The following NADK2 variants were observed in gnomAD, a reference collection of about 807,000 sequenced individuals.
NADK2 encodes NAD kinase 2, mitochondrial.
NADK2 carries 35 observed loss-of-function variants against 62.1 expected under a neutral mutation model. The ratio of observed to expected loss-of-function variants is 0.56; its 90% confidence interval spans 0.43 to 0.75. The LOEUF is 0.75. Ranked by LOEUF, NADK2 falls within the 30% of genes least tolerant of loss-of-function variation. The pLI, the probability that NADK2 is intolerant of heterozygous loss-of-function variation, is 0.00. For synonymous variants in NADK2, 205 were observed against 207.9 expected (o/e 0.99, Z 0.12); for missense variants, 439 against 561.3 (o/e 0.78, Z 2.20).
intron 7 of NADK2, chr5:36,208,681 A>T (rs1479123567): frequency 1.0e-5 from 16 of 1,532,278 alleles, no homozygotes; most frequent in Non-Finnish European, 1.4e-5. Flanking sequence ...CAGCCCAAGA[A>T]TAAGACATTC....
intron 7 of NADK2, chr5:36,208,751 C>A (rs1746735038): frequency 2.9e-6 from 3 of 1,017,344 alleles, no homozygotes; most frequent in Non-Finnish European, 4.3e-6. Context: ...GTTCTTAAAT[C>A]TAAGAACATT....
intron 6 of NADK2, among the ~76,000 whole-genome samples, chr5:36,214,035 CAATA>C (rs1382363245): frequency 7.9e-5 from 12 of 152,214 alleles, no homozygotes; most frequent in East Asian, 3.9e-4. Context: ...ATGAGTTTGA[CAATA>C]AATAAAATTG....
intron 3 of NADK2, among the ~76,000 whole-genome samples, chr5:36,226,170 T>C (rs572519404): frequency 6.6e-6 from 1 of 152,288 alleles, no homozygotes; most frequent in Admixed American, 6.5e-5. Flanking sequence ...ATTAAACTCT[T>C]TATCAACTTC....
At chr5:36,196,295 C>T (rs1052771037) in intron 11 of NADK2, among the ~76,000 whole-genome samples, 2 of 152,104 alleles carry the variant, frequency 1.3e-5, no homozygotes, top group Non-Finnish European at 2.9e-5. Flanking sequence ...GTTGTTCCTC[C>T]TTGCCAACAA....
chr5:36,228,074 T>C (rs1007131853), intron 1 of NADK2, among the ~76,000 whole-genome samples: 1 of 152,204 alleles, frequency 6.6e-6, no homozygotes, highest in African/African-American at 2.4e-5. Flanking sequence ...GCTTCTCTCT[T>C]GTTCTCAGAT....
intron 8 of NADK2, among the ~76,000 whole-genome samples, chr5:36,202,595 A>G (rs543468369): frequency 6.6e-6 from 1 of 152,196 alleles, no homozygotes; most frequent in South Asian, 2.1e-4. Context: ...TCCTGAACGC[A>G]TAGGTTATAT....
At position 36,226,458 on chromosome 5, in the gene NADK2, T is replaced by G. The variant is rs764444107; in HGVS notation, c.478+17A>C. The G allele has an allele frequency of 1.9e-6, 3 of 1,592,658 alleles. No individual in the cohort carries two copies. The highest frequency in any genetic ancestry group is 2.6e-6 in the Non-Finnish European group (3 of 1,162,034). On this transcript the variant is annotated intron_variant, in intron 3 of 11. Transcript: ENST00000381937. ...CATTTGTATATGCCAACATCTTTAC[T>G]TCTGTCAAATTATTACCTCCTGCAG... is the stretch of plus-strand genomic sequence containing the variant.
intron 1 of NADK2, among the ~76,000 whole-genome samples, chr5:36,228,845 C>T (rs990358328): frequency 6.7e-6 from 1 of 150,084 alleles, no homozygotes; most frequent in African/African-American, 2.4e-5. Flanking sequence ...AGGCTAGTCT[C>T]GAACTCCTGG....
At chr5:36,233,432 T>C (rs925615733) in intron 1 of NADK2, among the ~76,000 whole-genome samples, 1 of 152,154 alleles carries the variant, frequency 6.6e-6, no homozygotes, top group Non-Finnish European at 1.5e-5. Flanking sequence ...TGAAAACCAC[T>C]AGGAGATAAA....
Position 36,241,431 on chromosome 5 carries a change from A to C in NADK2, c.300+68T>G. The C allele has an allele frequency of 6.9e-7, 1 of 1,458,456 alleles. No individual in the cohort carries two copies. 90.3% of individuals were successfully genotyped at this position (1,458,456 alleles called of 1,614,324 possible). A position where few individuals can be genotyped will look rare whatever the true frequency, so the allele number is the denominator to read the frequency against. ...AGAGTCGTCCCGAGAGGTCCCCCCG[A>C]GGGGGCGCAGCCGCCACCAGAGCCC... is the stretch of plus-strand genomic sequence containing the variant. On this transcript the variant is annotated intron_variant, in intron 1 of 11. Coordinates refer to ENST00000381937, the MANE Select transcript of NADK2 (RefSeq NM_001085411.3). The surrounding 1 kb of genome is among the most constrained non-coding windows in gnomAD (Gnocchi z 4.9).
chr5:36,221,224 T>C (rs1017224752), intron 4 of NADK2: 1 of 152,146 alleles, frequency 6.6e-6, no homozygotes, highest in Non-Finnish European at 1.5e-5. Flanking sequence ...ACAGAAGAGA[T>C]GGATAGAAAT....
chr5:36,225,658 A>G, intron 3 of NADK2, 35 bp from the exon 4 acceptor site: 1 of 1,581,108 alleles, frequency 6.3e-7, no homozygotes, highest in South Asian at 1.1e-5. Context: ...AGACATAACC[A>G]AATTTCTGTT....
intron 9 of NADK2, among the ~76,000 whole-genome samples, chr5:36,200,489 T>C (rs1746404083): frequency 6.6e-6 from 1 of 151,996 alleles, no homozygotes; most frequent in African/African-American, 2.4e-5. Flanking sequence ...CTCGCCCTTA[T>C]TAGCACTTTT....
At position 36,204,123 on chromosome 5, in the gene NADK2, T is replaced by C. The variant is rs532826500; in HGVS notation, c.957-2962A>G. Among the ~76,000 whole-genome samples the C allele has an allele frequency of 2.0e-5, 3 of 152,326 alleles. No individual in the cohort carries two copies. The South Asian group carries it at 6.2e-4, about 32-fold the overall frequency. Reference sequence around the variant, plus strand: ...ATAAAATGGGAATGCTACTACTTTCTTCCAGGATTTCTAAAAGGATTAATT... The same window carrying C: ...ATAAAATGGGAATGCTACTACTTTCCTCCAGGATTTCTAAAAGGATTAATT... On this transcript the variant is annotated intron_variant, in intron 8 of 11. Transcript: ENST00000381937.
intron 8 of NADK2, among the ~76,000 whole-genome samples, chr5:36,203,183 G>A (rs1746509537): frequency 1.3e-5 from 2 of 152,016 alleles, no homozygotes; most frequent in South Asian, 4.1e-4. Context: ...AAACTTTTTG[G>A]ATTCTACTTA....
In NADK2 at chr5:36,225,679, T is replaced by C. The variant is rs1579628623; in HGVS notation, c.479-56A>G. 9 of 1,528,560 alleles carry C rather than the reference T, an allele frequency of 5.9e-6. No homozygotes were observed. The East Asian group carries it at 2.0e-4, about 34-fold the overall frequency. 94.7% of individuals were successfully genotyped at this position (1,528,560 alleles called of 1,614,324 possible). On this transcript the variant is annotated intron_variant, in intron 3 of 11. Coordinates refer to ENST00000381937, the MANE Select transcript of NADK2 (RefSeq NM_001085411.3). ...AACCAAATTTCTGTTATAAATCTAGTTTTTGGCCATTTTGAAAATCAGTAG... is the reference window on the plus strand; with the variant it reads ...AACCAAATTTCTGTTATAAATCTAGCTTTTGGCCATTTTGAAAATCAGTAG...
In NADK2 at chr5:36,241,287, C is replaced by A; in HGVS notation, c.300+212G>T. ...TGAACCACTGTCCCTCTCTCTCCCC[C>A]TCTCCCCGGCCCTGCCTCTCCCTCG... is the stretch of plus-strand genomic sequence containing the variant. On this transcript the variant is annotated intron_variant, in intron 1 of 11. Coordinates refer to ENST00000381937, the MANE Select transcript of NADK2 (RefSeq NM_001085411.3). This position sits in a 1 kb window ranked among gnomAD's most constrained non-coding sequence, Gnocchi z 4.9. The A allele has an allele frequency of 1.0e-6, 1 of 990,066 alleles. No homozygotes were observed. Among genetic ancestry groups the A allele is most frequent in the East Asian group, 3.5e-5 (1 of 28,734 alleles). 61.3% of individuals were successfully genotyped at this position (990,066 alleles called of 1,614,324 possible).
upstream of NADK2, chr5:36,242,109 C>G (rs983742566): frequency 1.2e-5 from 2 of 160,960 alleles, no homozygotes; most frequent in African/African-American, 4.8e-5. Context: ...TGCATAATGG[C>G]TGCTTCGCCG....
chr5:36,239,861 C>T (rs1748042931), intron 1 of NADK2, among the ~76,000 whole-genome samples: 1 of 152,136 alleles, frequency 6.6e-6, no homozygotes, highest in Admixed American at 6.5e-5. Context: ...CCTATGAGGC[C>T]CAGAGAAGAA....
Sources: allele counts gnomAD v4.1 joint callset (sites outside exome capture counted in the v4.1 genomes callset), GRCh38; gene constraint gnomAD v4.1.1; non-coding constraint Gnocchi (gnomAD v3.1); transcripts MANE v1.5; gene names NCBI Gene and HGNC (gene_info 2026-07-23, HGNC 2026-07-21).